ARID5B: variants seen among roughly 807,000 people sequenced by gnomAD.
ARID5B encodes the protein AT-rich interactive domain-containing protein 5B.
In ARID5B, 13 loss-of-function variants were observed where a neutral mutation model predicts 97.2. The observed-to-expected ratio is 0.13, with a 90% CI of 0.09 to 0.21. The LOEUF is 0.21. ARID5B is among the 10% of genes least tolerant of loss of function. The pLI is 1.00. For synonymous variants in ARID5B, 556 were observed against 570.3 expected (o/e 0.97, Z 0.36); for missense variants, 1,210 against 1,465.3 (o/e 0.83, Z 2.84).
intron 2 of ARID5B, among the ~76,000 whole-genome samples, chr10:61,911,670 A>G (rs1843806685): frequency 6.6e-6 from 1 of 152,188 alleles, no homozygotes; most frequent in South Asian, 2.1e-4. Flanking sequence ...TTAACCCTGC[A>G]GAGCCTAGAT....
intron 2 of ARID5B, among the ~76,000 whole-genome samples, chr10:61,903,001 T>C (rs1333481258): frequency 1.3e-5 from 2 of 152,158 alleles, no homozygotes; most frequent in Non-Finnish European, 2.9e-5. Context: ...AACTTGCAGA[T>C]CTGCCCGGGC....
At chr10:61,995,724 A>G (rs1380607771) in intron 3 of ARID5B, among the ~76,000 whole-genome samples, 1 of 152,198 alleles carries the variant, frequency 6.6e-6, no homozygotes, top group Admixed American at 6.5e-5. Flanking sequence ...GTGAAACTTC[A>G]ACCTAGCTTC....
chr10:62,033,729 T>C (rs1839526029), intron 4 of ARID5B, among the ~76,000 whole-genome samples: 1 of 152,238 alleles, frequency 6.6e-6, no homozygotes, highest in African/African-American at 2.4e-5. Context: ...TATTAGTGTC[T>C]TCAGTGTGCC....
At chr10:62,005,326 C>T (rs989680379) in intron 4 of ARID5B, among the ~76,000 whole-genome samples, 10 of 152,186 alleles carry the variant, frequency 6.6e-5, no homozygotes, top group Non-Finnish European at 1.0e-4. Flanking sequence ...TCTGTAAAAT[C>T]GGGTAATAAC....
chr10:62,064,447 A>G (rs1307337435), intron 7 of ARID5B, among the ~76,000 whole-genome samples: 1 of 152,210 alleles, frequency 6.6e-6, no homozygotes, highest in African/African-American at 2.4e-5. Context: ...TAAGCCACTG[A>G]AAGAGTTTAA....
At chr10:62,090,469 A>T (rs1322498806) in intron 9 of ARID5B, among the ~76,000 whole-genome samples, 1 of 152,230 alleles carries the variant, frequency 6.6e-6, no homozygotes, top group African/African-American at 2.4e-5. Context: ...CTTTAAAAAA[A>T]TCTTTCTCAG....
At chr10:62,049,194 G>C in intron 4 of ARID5B, 2 of 1,291,992 alleles carry the variant, frequency 1.5e-6, no homozygotes, top group East Asian at 6.5e-5. Flanking sequence ...ATCTCCGTGC[G>C]GGGAGGTGGA....
intron 2 of ARID5B, among the ~76,000 whole-genome samples, chr10:61,932,050 C>T (rs145131343): frequency 2.6e-5 from 4 of 152,042 alleles, no homozygotes; most frequent in East Asian, 1.9e-4. Context: ...AAAACCTGTG[C>T]GGGCATACCT....
intron 8 of ARID5B, among the ~76,000 whole-genome samples, chr10:62,076,443 G>A (rs144405901): frequency 6.6e-6 from 1 of 151,590 alleles, no homozygotes; most frequent in Non-Finnish European, 1.5e-5. Flanking sequence ...TCAGATGTCT[G>A]AGGCACGAGA....
At chr10:61,924,027 T>C (rs1383255468) in intron 2 of ARID5B, among the ~76,000 whole-genome samples, 1 of 152,232 alleles carries the variant, frequency 6.6e-6, no homozygotes, top group African/African-American at 2.4e-5. Flanking sequence ...CTGTGATTGT[T>C]TTGTCAGGAT....
At chr10:62,025,826 A>G (rs904046056) in intron 4 of ARID5B, among the ~76,000 whole-genome samples, 1 of 152,104 alleles carries the variant, frequency 6.6e-6, no homozygotes, top group African/African-American at 2.4e-5. Context: ...AAAAAAAAAA[A>G]AAAAGCTTAT....
Position 61,993,151 on chromosome 10 carries a change from GCA to G in ARID5B, c.503-6933_503-6932del, listed in dbSNP as rs957690569. Reference sequence around the variant, plus strand: ...CACACACACACACACACACACACACGCACACACAACTGATCTTCCCTGACTCC... The same window carrying G: ...CACACACACACACACACACACACACGCACACAACTGATCTTCCCTGACTCC... On this transcript the variant is annotated intron_variant, in intron 3 of 9. Transcript: ENST00000279873. 7.2e-5 allele frequency among the ~76,000 whole-genome samples: 10 copies of G among 138,662 alleles called. No homozygotes were observed. In the East Asian group the frequency reaches 2.1e-3, roughly 30 times the overall value. The allele number at this position is 138,662 out of a possible 152,430, so 91.0% of individuals were successfully genotyped here.
chr10:61,999,122 G>A (rs993673245), intron 3 of ARID5B, among the ~76,000 whole-genome samples: 1 of 152,194 alleles, frequency 6.6e-6, no homozygotes, highest in Admixed American at 6.5e-5. Context: ...GCCTCCAAGA[G>A]AGTGAGGCAC....
At chr10:61,925,219 A>G (rs1451790272) in intron 2 of ARID5B, among the ~76,000 whole-genome samples, 1 of 152,094 alleles carries the variant, frequency 6.6e-6, no homozygotes, top group African/African-American at 2.4e-5. Flanking sequence ...AAAAAATTAA[A>G]TGGTCAAAAA....
chr10:61,946,920 C>CA (rs1213495567), intron 3 of ARID5B, among the ~76,000 whole-genome samples: 14 of 150,078 alleles, frequency 9.3e-5, no homozygotes, highest in East Asian at 5.8e-4. Flanking sequence ...GACTCTGTCT[C>CA]AAAAAAAAAT....
intron 1 of ARID5B, among the ~76,000 whole-genome samples, 200 bp from the exon 2 acceptor site, chr10:61,901,959 G>T (rs74156273): frequency 6.7e-6 from 1 of 149,374 alleles, no homozygotes; most frequent in Non-Finnish European, 1.5e-5. Context: ...AGAAGTGGCG[G>T]TGGGGGGCCC....
At chr10:62,022,503 C>T (rs761340972) in intron 4 of ARID5B, among the ~76,000 whole-genome samples, 3 of 152,188 alleles carry the variant, frequency 2.0e-5, no homozygotes, top group Non-Finnish European at 4.4e-5. Flanking sequence ...GGGATTCAGT[C>T]GGTGAGGTAG....
At chr10:62,002,004 G>A (rs530247178) in intron 4 of ARID5B, among the ~76,000 whole-genome samples, 2 of 151,902 alleles carry the variant, frequency 1.3e-5, no homozygotes, top group South Asian at 2.1e-4. Flanking sequence ...CCACATTCTC[G>A]GCTCCCAAAC....
chr10:61,903,745 C>T (rs1203717289), intron 2 of ARID5B, among the ~76,000 whole-genome samples: 2 of 152,112 alleles, frequency 1.3e-5, no homozygotes, highest in East Asian at 3.9e-4. Flanking sequence ...GTTGATAGTA[C>T]TTTTGGCATT....
Sources: gnomAD v4.1 joint callset for allele counts (sites outside exome capture counted in the v4.1 genomes callset) on GRCh38, gnomAD v4.1.1 for gene constraint, MANE v1.5 for transcripts, NCBI Gene and HGNC (gene_info 2026-07-23, HGNC 2026-07-21) for gene names.